Variants in NLRC5 observed in about 807,000 individuals in gnomAD.
NLRC5 encodes NLR family CARD domain containing 5, also known as protein NLRC5.
Under a neutral mutation model 206.9 loss-of-function variants are expected in NLRC5, and 114 were observed. That is an observed-to-expected ratio of 0.55 (90% CI 0.47 to 0.64). The LOEUF is 0.64. Among genes scored for constraint, NLRC5 ranks in the 30% least tolerant of loss-of-function variants. NLRC5 has a pLI of 0.00. For missense variants in NLRC5, 2,008 were observed against 2,305.5 expected (o/e 0.87, Z 2.64); for synonymous variants, 952 against 962.8 (o/e 0.99, Z 0.21).
intron 43 of NLRC5, among the ~76,000 whole-genome samples, 156 bp from the exon 44 acceptor site, chr16:57,078,894 A>G (rs905989732): frequency 1.3e-5 from 2 of 152,206 alleles, no homozygotes; most frequent in African/African-American, 2.4e-5. Flanking sequence ...TCAGACCCCA[A>G]AGCCAGGGTC....
At chr16:57,071,294 G>A (rs549854816) in intron 38 of NLRC5, among the ~76,000 whole-genome samples, 11 of 146,498 alleles carry the variant, frequency 7.5e-5, no homozygotes, top group Admixed American at 4.7e-4. Context: ...ATGGGGAAGC[G>A]TTGTGAGTGA....
At chr16:57,015,925 CAAAAAA>C (rs35216159) in intron 1 of NLRC5, among the ~76,000 whole-genome samples, 49 of 39,654 alleles carry the variant, frequency 1.2e-3, no homozygotes, top group Non-Finnish European at 2.0e-3. Context: ...AACTCCATCT[CAAAAAA>C]AAAAAAAAAA....
intron 32 of NLRC5, among the ~76,000 whole-genome samples, chr16:57,063,323 C>T (rs1429718332): frequency 6.6e-6 from 1 of 151,662 alleles, no homozygotes; most frequent in Non-Finnish European, 1.5e-5. Flanking sequence ...ACCATGTTGG[C>T]GAGGCTGGTC....
chr16:57,014,815 G>GT (rs2059862849), intron 1 of NLRC5, among the ~76,000 whole-genome samples: 1 of 152,198 alleles, frequency 6.6e-6, no homozygotes, highest in Non-Finnish European at 1.5e-5. Context: ...CAGCAGGCCT[G>GT]GTGTCTGGAG....
chr16:57,007,262 C>T (rs1034507565), intron 1 of NLRC5, among the ~76,000 whole-genome samples: 2 of 152,210 alleles, frequency 1.3e-5, no homozygotes, highest in Non-Finnish European at 2.9e-5. Flanking sequence ...ACACACTCCA[C>T]GTCCACGTGG....
chr16:57,049,626 C>T (rs1208444591), intron 23 of NLRC5, among the ~76,000 whole-genome samples: 1 of 152,000 alleles, frequency 6.6e-6, no homozygotes, highest in Non-Finnish European at 1.5e-5. Context: ...ATCCCAGCTA[C>T]TCTGGAGGCA....
intron 5 of NLRC5, among the ~76,000 whole-genome samples, chr16:57,024,269 C>T (rs1272771156): frequency 6.6e-6 from 1 of 152,122 alleles, no homozygotes; most frequent in Non-Finnish European, 1.5e-5. Flanking sequence ...CCCTGGGGGC[C>T]CATGGGGAGA....
At chr16:57,081,338 C>A in intron 47 of NLRC5, 157 bp downstream of exon 47, 1 of 911,248 alleles carries the variant, frequency 1.1e-6, no homozygotes, top group Non-Finnish European at 1.7e-6. Flanking sequence ...TTAGTTCCCC[C>A]TGGGTTCTAG....
rs752609435 is a variant in NLRC5 at position 57,028,390 on chromosome 16, G to C, written c.2243+5G>C. On this transcript the variant is annotated splice_donor_5th_base_variant and intron_variant, in intron 8 of 48. Transcript: ENST00000688547. ...TCCACAGCTGAAAGAAGTCAGGTGA[G>C]TGATCTCCAGGAGGGCTCACTGACT... is the stretch of plus-strand genomic sequence containing the variant. The C allele has an allele frequency of 1.9e-6, 3 of 1,612,440 alleles. No homozygotes were observed. Among genetic ancestry groups the C allele is most frequent in the African/African-American group, 2.7e-5 (2 of 74,914 alleles).
intron 27 of NLRC5, among the ~76,000 whole-genome samples, chr16:57,056,291 G>T (rs998371593): frequency 2.6e-5 from 4 of 152,284 alleles, no homozygotes; most frequent in Non-Finnish European, 5.9e-5. Context: ...TAAAATCATG[G>T]ATTTCTTTTT....
intron 38 of NLRC5, chr16:57,074,237 A>G (rs2068093449): frequency 5.3e-6 from 1 of 188,062 alleles, no homozygotes; most frequent in Non-Finnish European, 1.1e-5. Context: ...TAACTCTCTG[A>G]ACCTTGGTGT....
chr16:57,063,098 T>G (rs1338846127), intron 32 of NLRC5, among the ~76,000 whole-genome samples: 1 of 148,584 alleles, frequency 6.7e-6, no homozygotes, highest in Admixed American at 6.9e-5. Context: ...TGTGTCAGAC[T>G]TTCCTTCCTT....
chr16:57,000,528 G>A (rs748535120), intron 1 of NLRC5, among the ~76,000 whole-genome samples: 23 of 152,118 alleles, frequency 1.5e-4, no homozygotes, highest in Non-Finnish European at 2.9e-4. Flanking sequence ...AACATCCCCA[G>A]GGCCGCCAGG....
Position 57,079,563 on chromosome 16 carries a change from T to C in NLRC5, c.5255T>C (p.Ile1752Thr). 1.2e-6 allele frequency: 2 copies of C among 1,614,088 alleles called. No homozygotes were observed. The highest frequency in any genetic ancestry group is 8.5e-7 in the Non-Finnish European group (1 of 1,179,960). ...ATCCCCAGCCTGGTTTCCTGTAAGA[T>C]TGACAACCAGACTGCCAAGCTCCTC... ...LRQIDLVSCKIDNQTAKLLTS... is the reference protein window; with the variant it reads ...LRQIDLVSCKTDNQTAKLLTS... Residue 1752 changes from isoleucine (I) to threonine (T), a missense_variant, in exon 46 of 49, where the codon ATT (isoleucine) becomes ACT (threonine). By Grantham distance (89) the Ile-to-Thr change is moderately conservative (BLOSUM62 -1). Transcript: ENST00000688547.
chr16:57,049,937 T>C (rs1241965004), intron 23 of NLRC5, among the ~76,000 whole-genome samples: 1 of 151,910 alleles, frequency 6.6e-6, no homozygotes. Context: ...ATCAAGGTAC[T>C]CAATGCTGAA....
chr16:57,026,290 TG>T lies in NLRC5; in HGVS notation c.1350del (p.His451ThrfsTer15), dbSNP rs748990366. 1.2e-6 allele frequency: 2 copies of T among 1,614,002 alleles called. No homozygotes were observed. Among genetic ancestry groups the T allele is most frequent in the Non-Finnish European group, 1.7e-6 (2 of 1,180,024 alleles). On this transcript the variant is annotated frameshift_variant, in exon 6 of 49. Transcript: ENST00000688547. LOFTEE classifies it high-confidence loss of function. ...AGATGGTGCTCGCCCTCAGCCCCCC[TG>T]GGCACTTGCCCACCTCGTCCCTACT... Reference protein sequence around the residue: ...MQMVLALSPPGHLPTSSLLDL... With the variant: ...MQMVLALSPPXHLPTSSLLDL...
intron 1 of NLRC5, among the ~76,000 whole-genome samples, chr16:56,992,962 TG>T (rs1282295866): frequency 2.0e-5 from 3 of 152,228 alleles, no homozygotes; most frequent in African/African-American, 7.2e-5. Flanking sequence ...AAAGATATAA[TG>T]AAAAATAAGT....
At chr16:57,047,980 T>G in intron 23 of NLRC5, 4 of 265,158 alleles carry the variant, frequency 1.5e-5, no homozygotes, top group Non-Finnish European at 2.9e-5. Flanking sequence ...GCGTAGCACT[T>G]CTGAAAGCCC....
At chr16:57,041,434 C>T in intron 17 of NLRC5, 51 bp from the exon 18 acceptor site, 1 of 1,534,006 alleles carries the variant, frequency 6.5e-7, no homozygotes, top group Non-Finnish European at 9.0e-7. Context: ...GCGGCTCCTT[C>T]CCGCCTCTGT....
Sources: gnomAD v4.1 joint callset for allele counts (sites outside exome capture counted in the v4.1 genomes callset) on GRCh38, gnomAD v4.1.1 for gene constraint, MANE v1.5 for transcripts, NCBI Gene and HGNC (gene_info 2026-07-23, HGNC 2026-07-21) for gene names.